Variants in NPHS1 observed in about 807,000 individuals in gnomAD.
NPHS1 encodes the protein NPHS1 adhesion molecule, nephrin.
Under a neutral mutation model 139.7 loss-of-function variants are expected in NPHS1, and 107 were observed. The observed-to-expected ratio is 0.77, with a 90% confidence interval of 0.66 to 0.90. The LOEUF is 0.90. Among genes scored for constraint, NPHS1 ranks in the 40% least tolerant of loss-of-function variants. The pLI is 0.00. For missense variants in NPHS1, 1,580 were observed against 1,654.2 expected (o/e 0.96, Z 0.78); for synonymous variants, 707 against 706.6 (o/e 1.00, Z -0.01).
chr19:35,839,514 G>A lies in NPHS1; in HGVS notation c.2909C>T (p.Pro970Leu), dbSNP rs779069798. 3.1e-6 allele frequency: 5 copies of A among 1,614,074 alleles called. No homozygotes were observed. Among genetic ancestry groups the A allele is most frequent in the Admixed American group, 3.3e-5 (2 of 60,008 alleles). ...GACCCACCTGATGCAGAACCTCTGT[G>A]GCAGGCCCCCATCAAAGCCAGGCTT... is the stretch of plus-strand genomic sequence containing the variant. ...EWKPGFDGGL[P>L]QRFCIRYEAL... Residue 970 changes from proline (P) to leucine (L), a missense_variant, in exon 21 of 29, where the codon CCA (proline) becomes CTA (leucine). Physicochemically the swap from Pro to Leu is moderately conservative, Grantham distance 98 (BLOSUM62 -3). Coordinates refer to ENST00000378910, the MANE Select transcript of NPHS1 (RefSeq NM_004646.4).
rs386833909 is a variant in NPHS1 at position 35,843,579 on chromosome 19, G to A, written c.2227C>T (p.Arg743Cys). 1.1e-4 allele frequency: 177 copies of A among 1,613,970 alleles called. No individual in the cohort carries two copies. The highest frequency in any genetic ancestry group is 1.4e-4 in the Non-Finnish European group (165 of 1,179,958). Residue 743 changes from arginine to cysteine, a missense_variant, in exon 17 of 29, where the codon CGT (arginine) becomes TGT (cysteine). Coordinates refer to ENST00000378910, the MANE Select transcript of NPHS1 (RefSeq NM_004646.4). The part of the protein sequence containing the change: ...RLDVHYAPTI[R>C]ALQDPTEVNV... Reference sequence around the variant, plus strand: ...ACCTCAGTGGGGTCCTGGAGGGCACGGATGGTGGGAGCATCTGGTGGAAGG... The same window carrying A: ...ACCTCAGTGGGGTCCTGGAGGGCACAGATGGTGGGAGCATCTGGTGGAAGG...
intron 23 of NPHS1, among the ~76,000 whole-genome samples, chr19:35,833,572 A>G (rs1185671938): frequency 1.8e-4 from 28 of 152,222 alleles, no homozygotes; most frequent in Non-Finnish European, 1.5e-5. Flanking sequence ...TGATTGAAGA[A>G]ACTCAGAAAG....
At chr19:35,841,912 A>T in intron 19 of NPHS1, 46 bp from the exon 20 acceptor site, 3 of 1,566,770 alleles carry the variant, frequency 1.9e-6, no homozygotes. Flanking sequence ...TCACCCAACC[A>T]CTTATGCTTG....
rs372754187 is a variant in NPHS1, at chr19:35,830,943, T to C, written c.3495A>G (p.Glu1165=). 10 of 1,613,420 alleles carry C rather than the reference T, an allele frequency of 6.2e-6. No individual in the cohort carries two copies. The highest frequency in any genetic ancestry group is 7.6e-6 in the Non-Finnish European group (9 of 1,179,336). ...GCCCAGGGAAGGCCATATCCTCATC[T>C]TCACCTGTGAAACCTGGAGTTGGAG... ...EVSYSRGFTG[E]DEDMAFPGHL... The change falls in exon 28 of 29, where the codon GAA becomes GAG. Residue 1165 remains glutamate, a synonymous_variant. Transcript: ENST00000378910.
chr19:35,851,391 G>C lies in NPHS1; in HGVS notation c.275-7C>G. ...ATGTGCAGGTGGAATTCACCTGCAG[G>C]GGGAGCCGGAAGTCAGGGCCGCAGC... On this transcript the variant is annotated splice_polypyrimidine_tract_variant and splice_region_variant and intron_variant, in intron 2 of 28. Coordinates refer to ENST00000378910, the MANE Select transcript of NPHS1 (RefSeq NM_004646.4). 6.2e-7 allele frequency: 1 copy of C among 1,612,918 alleles called. No individual in the cohort carries two copies.
chr19:35,850,502 G>A (rs950166498), intron 4 of NPHS1, 57 bp from the exon 5 acceptor site: 1 of 1,477,552 alleles, frequency 6.8e-7, no homozygotes, highest in Non-Finnish European at 9.5e-7. Flanking sequence ...TAGATTCTGG[G>A]GAGCATGGCC....
chr19:35,844,497 T>C (rs1428368185), intron 14 of NPHS1, 38 bp from the exon 15 acceptor site: 3 of 1,527,200 alleles, frequency 2.0e-6, no homozygotes, highest in South Asian at 1.2e-5. Context: ...AGATTGTTGT[T>C]AAGGTTAGGG....
intron 5 of NPHS1, among the ~76,000 whole-genome samples, chr19:35,850,107 G>C (rs1013936590): frequency 1.3e-5 from 2 of 152,040 alleles, no homozygotes; most frequent in African/African-American, 4.8e-5. Context: ...GTGAAAACAG[G>C]GTTTCACCAT....
intron 23 of NPHS1, among the ~76,000 whole-genome samples, chr19:35,832,189 T>C (rs565638127): frequency 8.5e-5 from 13 of 152,316 alleles, no homozygotes; most frequent in African/African-American, 3.1e-4. Flanking sequence ...AGCTTTGGAA[T>C]AGTTAAGTGT....
rs560914383 is a variant in NPHS1 at position 35,842,062 on chromosome 19, G to T, written c.2663+62C>A. On this transcript the variant is annotated intron_variant, in intron 19 of 28. Coordinates refer to ENST00000378910, the MANE Select transcript of NPHS1 (RefSeq NM_004646.4). ...CCTTCTCTGCAGGGACTCAGGGAGG[G>T]GAAGTGGGGCTGGAGGTCCAGACCT... 1.2e-3 allele frequency: 1,833 copies of T among 1,546,818 alleles called. 12 individuals carry two copies. The highest frequency in any genetic ancestry group is 8.0e-3 in the African/African-American group (590 of 74,092).
Position 35,848,706 on chromosome 19 carries a change from G to A in NPHS1, c.1101C>T (p.Arg367=). The change falls in exon 9 of 29, where the codon CGC becomes CGT. Residue 367 remains arginine, a synonymous_variant. Coordinates refer to ENST00000378910, the MANE Select transcript of NPHS1 (RefSeq NM_004646.4). ...VTLSCVSKSS[R]PRVLLRWWLG... is the part of the protein sequence containing the mutation. ...GCCACCATCGTAGCAGAACCCGCGGGCGACTGGACTTGCTGACACAGGAGA... is the reference window on the plus strand; with the variant it reads ...GCCACCATCGTAGCAGAACCCGCGGACGACTGGACTTGCTGACACAGGAGA... The A allele has an allele frequency of 6.2e-7, 1 of 1,614,160 alleles. No individual in the cohort carries two copies. Among genetic ancestry groups the A allele is most frequent in the Non-Finnish European group, 8.5e-7 (1 of 1,180,042 alleles).
intron 28 of NPHS1, among the ~76,000 whole-genome samples, chr19:35,830,186 C>T (rs1193696811): frequency 1.3e-5 from 2 of 152,226 alleles, no homozygotes; most frequent in South Asian, 2.1e-4. Flanking sequence ...CCACATTTCA[C>T]AGCCTCCTTT....
intron 5 of NPHS1, 114 bp from the exon 6 acceptor site, chr19:35,849,767 G>A (rs964122644): frequency 7.8e-6 from 6 of 767,648 alleles, no homozygotes; most frequent in African/African-American, 6.8e-5. Flanking sequence ...AAGTCCCCAT[G>A]CTGATCTCCT....
At chr19:35,841,583 G>C (rs1311395322) in intron 20 of NPHS1, 132 bp downstream of exon 20, 1 of 1,025,036 alleles carries the variant, frequency 9.8e-7, no homozygotes, top group Non-Finnish European at 1.5e-6. Flanking sequence ...TTTCAGGGCA[G>C]GCAAAAACTC....
chr19:35,845,485 C>A lies in NPHS1; in HGVS notation c.1813G>T (p.Ala605Ser), dbSNP rs1568454488. 6.2e-7 allele frequency: 1 copy of A among 1,613,690 alleles called. No individual in the cohort carries two copies. The highest frequency in any genetic ancestry group is 1.1e-5 in the South Asian group (1 of 91,046). ...GACACTTGCAGAAGGACGCTCCTGG[C>A]GGCGGCGGAGCCTTTGAATGGGGCT... ...RRAPFKGSAA[A>S]RSVLLQVSSR... The change falls in exon 14 of 29, where the codon GCC becomes TCC. Residue 605 changes from alanine to serine, a missense_variant. Ala to Ser is a moderately conservative substitution (Grantham distance 99). Transcript: ENST00000378910. The surrounding 1 kb of genome is among the most constrained non-coding windows in gnomAD (Gnocchi z 5.5).
chr19:35,831,929 G>A (rs1242360668), intron 23 of NPHS1, among the ~76,000 whole-genome samples, 167 bp from the exon 24 acceptor site: 3 of 152,136 alleles, frequency 2.0e-5, no homozygotes, highest in Non-Finnish European at 2.9e-5. Context: ...AGGGCAGGTG[G>A]CTTCTTTCTT....
At position 35,846,148 on chromosome 19, in the gene NPHS1, C is replaced by A; in HGVS notation, c.1487G>T (p.Arg496Leu). The A allele has an allele frequency of 6.3e-7, 1 of 1,597,206 alleles. No individual in the cohort carries two copies. The highest frequency in any genetic ancestry group is 1.1e-5 in the South Asian group (1 of 88,300). ...TTTCTCCACGCTGCCGAGATGCACG[C>A]GCCGCGACTCCTGCGGCAGCCGCGA... ...TESRLPQESR[R>L]VHLGSVEKSG... is the part of the protein sequence containing the mutation. Residue 496 changes from arginine (R) to leucine (L), a missense_variant, in exon 12 of 29, where the codon CGC becomes CTC. By Grantham distance (102) the Arg-to-Leu change is moderately radical. Transcript: ENST00000378910.
At chr19:35,835,569 T>A (rs1972945980) in intron 23 of NPHS1, 136 bp downstream of exon 23, 1 of 818,812 alleles carries the variant, frequency 1.2e-6, no homozygotes, top group African/African-American at 1.7e-5. Flanking sequence ...GTGTTGGGAT[T>A]ACAGGCGTGA....
intron 23 of NPHS1, among the ~76,000 whole-genome samples, chr19:35,835,449 G>T (rs1285833508): frequency 6.6e-6 from 1 of 151,692 alleles, no homozygotes; most frequent in African/African-American, 2.4e-5. Flanking sequence ...ACAGGCACAT[G>T]CCACTACACC....
Sources: allele counts gnomAD v4.1 joint callset (sites outside exome capture counted in the v4.1 genomes callset), GRCh38; gene constraint gnomAD v4.1.1; non-coding constraint Gnocchi (gnomAD v3.1); transcripts MANE v1.5; gene names NCBI Gene and HGNC (gene_info 2026-07-23, HGNC 2026-07-21).